Variants in CHRM2 observed in about 807,000 individuals in gnomAD.
The protein encoded by CHRM2 is muscarinic acetylcholine receptor M2.
In CHRM2, 8 loss-of-function variants were observed where a neutral mutation model predicts 25.0. The observed-to-expected ratio is 0.32, with a 90% confidence interval of 0.19 to 0.58. The LOEUF is 0.58. Among genes scored for constraint, CHRM2 ranks in the 20% least tolerant of loss-of-function variants. The pLI is 0.88. For missense variants in CHRM2, 440 were observed against 567.1 expected (o/e 0.78, Z 2.28); for synonymous variants, 202 against 205.7 (o/e 0.98, Z 0.15).
chr7:137,005,627 G>A (rs1207095876), intron 3 of CHRM2, among the ~76,000 whole-genome samples: 3 of 151,876 alleles, frequency 2.0e-5, no homozygotes, highest in Admixed American at 2.0e-4. Flanking sequence ...GCTCCACATT[G>A]CCATGTGCTC....
chr7:136,896,670 A>G (rs1796914935), intron 2 of CHRM2, among the ~76,000 whole-genome samples: 1 of 152,186 alleles, frequency 6.6e-6, no homozygotes. Flanking sequence ...CTTTAGGATC[A>G]CGCAATCTCA....
chr7:136,998,445 G>C (rs1199245939), intron 3 of CHRM2, among the ~76,000 whole-genome samples: 3 of 152,134 alleles, frequency 2.0e-5, no homozygotes, highest in Non-Finnish European at 4.4e-5. Context: ...GCAGATCTAA[G>C]GGAGACGTGA....
intron 2 of CHRM2, among the ~76,000 whole-genome samples, chr7:136,985,044 G>A (rs1022563495): frequency 1.3e-5 from 2 of 152,076 alleles, no homozygotes; most frequent in African/African-American, 4.8e-5. Context: ...TGTGGAACTA[G>A]TTAGTATTCT....
At chr7:136,879,930 G>T (rs904992619) in intron 2 of CHRM2, among the ~76,000 whole-genome samples, 1 of 151,776 alleles carries the variant, frequency 6.6e-6, no homozygotes, top group Non-Finnish European at 1.5e-5. Context: ...TTGAACCGCA[G>T]GGGTCGTTTT....
rs1805269366 is a variant in CHRM2, at chr7:137,018,046, TAGATTTATGATATC to T, written c.*1781_*1794del. ...TTTGCAAATTTCATATTTTGGATTT[TAGATTTATGATATC>T]TTGTTCAGTAATAATAATGTTAGTT... On this transcript the variant is annotated 3_prime_UTR_variant, in exon 4 of 4. Transcript: ENST00000680005. 6.6e-6 allele frequency: 1 copy of T among 151,948 alleles called. No homozygotes were observed. 9.4% of individuals were successfully genotyped at this position (151,948 alleles called of 1,614,324 possible).
chr7:137,007,320 T>G (rs904544003), intron 3 of CHRM2, among the ~76,000 whole-genome samples: 8 of 152,152 alleles, frequency 5.3e-5, no homozygotes, highest in South Asian at 2.1e-4. Flanking sequence ...TCTGTTTTGT[T>G]GGTCACCCAT....
At chr7:136,897,267 A>G (rs1307350026) in intron 2 of CHRM2, among the ~76,000 whole-genome samples, 1 of 152,088 alleles carries the variant, frequency 6.6e-6, no homozygotes, top group Non-Finnish European at 1.5e-5. Context: ...AAGCCAATGC[A>G]TATCTAAGAG....
intron 3 of CHRM2, among the ~76,000 whole-genome samples, chr7:137,001,142 C>T (rs1237844676): frequency 1.3e-5 from 2 of 152,100 alleles, no homozygotes; most frequent in African/African-American, 4.8e-5. Flanking sequence ...ACTCCCCACC[C>T]CACATCTTCA....
At chr7:136,911,676 T>C (rs192301469) in intron 2 of CHRM2, among the ~76,000 whole-genome samples, 2 of 152,102 alleles carry the variant, frequency 1.3e-5, no homozygotes, top group East Asian at 3.9e-4. Context: ...AATGTCTCCG[T>C]TTAATCCATT....
chr7:136,970,337 C>T (rs1371742841), intron 2 of CHRM2, among the ~76,000 whole-genome samples: 2 of 152,182 alleles, frequency 1.3e-5, no homozygotes, highest in South Asian at 2.1e-4. Flanking sequence ...TGTTTATTCA[C>T]ACTTTATTTA....
intron 2 of CHRM2, among the ~76,000 whole-genome samples, chr7:136,935,910 C>A (rs1040823769): frequency 2.6e-5 from 4 of 152,160 alleles, no homozygotes; most frequent in Non-Finnish European, 5.9e-5. Flanking sequence ...CTACCATTAA[C>A]TGTCAGTGAT....
chr7:136,979,989 A>G lies in CHRM2; in HGVS notation c.-124-12198A>G, dbSNP rs544742975. On this transcript the variant is annotated intron_variant, in intron 2 of 3. Transcript: ENST00000680005. ...TTTTCTAATTCTGTGAAGAAAGTCA[A>G]TGGTAGCTTGATGGGAATAGCATTG... 1.6e-4 allele frequency among the ~76,000 whole-genome samples: 24 copies of G among 152,270 alleles called. 1 individual carries two copies. In the East Asian group the frequency reaches 4.4e-3, roughly 28 times the overall value.
intron 2 of CHRM2, among the ~76,000 whole-genome samples, chr7:136,979,277 C>T (rs1200164486): frequency 6.6e-6 from 1 of 152,156 alleles, no homozygotes; most frequent in Non-Finnish European, 1.5e-5. Flanking sequence ...ATATCCTTTG[C>T]CCACTTTCTG....
At chr7:136,957,364 T>G (rs191310348) in intron 2 of CHRM2, among the ~76,000 whole-genome samples, 119 of 152,318 alleles carry the variant, frequency 7.8e-4, no homozygotes, top group African/African-American at 2.5e-3. Context: ...TGTTAACTAT[T>G]GGCAAAATAT....
Position 136,930,898 on chromosome 7 carries a change from C to CAAAAAAAAA in CHRM2, c.-124-61268_-124-61260dup, listed in dbSNP as rs57705639. Among the ~76,000 whole-genome samples the CAAAAAAAAA allele has an allele frequency of 5.2e-4, 32 of 61,128 alleles. 1 individual carries two copies. The highest frequency in any genetic ancestry group is 2.5e-3 in the South Asian group (2 of 786). 40.1% of individuals were successfully genotyped at this position (61,128 alleles called of 152,430 possible). On this transcript the variant is annotated intron_variant, in intron 2 of 3. Transcript: ENST00000680005. ...GGCTACAGAGCCAGACTCATTCTCTCAAAAAAAAAAAAAAAAAAAAAAAAA... is the reference window on the plus strand; with the variant it reads ...GGCTACAGAGCCAGACTCATTCTCTCAAAAAAAAAAAAAAAAAAAAAAAAAAAAAAAAAA...
chr7:136,954,922 G>GC (rs1397978556), intron 2 of CHRM2, among the ~76,000 whole-genome samples: 1 of 152,120 alleles, frequency 6.6e-6, no homozygotes, highest in Non-Finnish European at 1.5e-5. Flanking sequence ...ACAGCTCTTG[G>GC]CAGACATTCC....
chr7:136,952,105 CA>C (rs1800447110), intron 2 of CHRM2, among the ~76,000 whole-genome samples: 1 of 152,142 alleles, frequency 6.6e-6, no homozygotes, highest in African/African-American at 2.4e-5. Flanking sequence ...CCCACTTCGA[CA>C]AGGGCAGAAG....
In CHRM2 at chr7:136,937,698, T is replaced by C. The variant is rs189499754; in HGVS notation, c.-124-54489T>C. Among the ~76,000 whole-genome samples, 295 of 152,264 alleles carry C rather than the reference T, an allele frequency of 1.9e-3. 2 individuals carry two copies. The highest frequency in any genetic ancestry group is 5.2e-3 in the African/African-American group (217 of 41,542). On this transcript the variant is annotated intron_variant, in intron 2 of 3. Transcript: ENST00000680005. ...TGAGAAAATAAGCCTTGTGCACTTA[T>C]CCAACTGGAGAAATATAAAGAATTT... is the stretch of plus-strand genomic sequence containing the variant.
At chr7:137,014,709 G>A (rs560081105) in intron 3 of CHRM2, 111 bp from the exon 4 acceptor site, 15 of 733,512 alleles carry the variant, frequency 2.0e-5, no homozygotes, top group South Asian at 9.0e-5. Context: ...TAATCATGCA[G>A]GGGAAGGGAG....
Sources: allele counts gnomAD v4.1 joint callset (sites outside exome capture counted in the v4.1 genomes callset), GRCh38; gene constraint gnomAD v4.1.1; transcripts MANE v1.5; gene names NCBI Gene and HGNC (gene_info 2026-07-23, HGNC 2026-07-21).